CEMIP2: variants seen among roughly 807,000 people sequenced by gnomAD.
The protein encoded by CEMIP2 is cell migration inducing hyaluronidase 2.
In CEMIP2, 79 loss-of-function variants were observed where a neutral mutation model predicts 146.9. The observed-to-expected ratio is 0.54, with a 90% CI of 0.45 to 0.65. CEMIP2 has a LOEUF of 0.65. Among genes scored for constraint, CEMIP2 ranks in the 30% least tolerant of loss-of-function variants. The probability of loss-of-function intolerance (pLI) is 0.00; values close to 1 mark genes in which losing one functional copy is unlikely to be tolerated. For missense variants in CEMIP2, 1,596 were observed against 1,696.2 expected, an observed-to-expected ratio of 0.94 and a Z score of 1.04; for synonymous variants, 601 against 606.3, an observed-to-expected ratio of 0.99 and a Z score of 0.13.
At position 71,694,333 on chromosome 9, in the gene CEMIP2, A is replaced by G. The variant is rs575444996; in HGVS notation, c.3696+176T>C. Among the ~76,000 whole-genome samples the G allele has an allele frequency of 2.6e-5, 4 of 152,208 alleles. No individual in the cohort carries two copies. The East Asian group carries it at 7.7e-4, about 29-fold the overall frequency. On this transcript the variant is annotated intron_variant, in intron 21 of 23. Transcript: ENST00000377044. ...AGTAGAGACAGCGTTTCACCATGTT[A>G]GCCAGGATGGTCTCGATCTAACCTT...
Position 71,700,772 on chromosome 9 carries a change from C to T in CEMIP2, c.3247G>A (p.Val1083Ile), listed in dbSNP as rs1822536554. The T allele has an allele frequency of 1.2e-6, 2 of 1,613,792 alleles. No homozygotes were observed. The highest frequency in any genetic ancestry group is 2.2e-5 in the South Asian group (2 of 91,028). Residue 1083 changes from valine (V) to isoleucine (I), a missense_variant, in exon 19 of 24, where the codon GTT (valine) becomes ATT (isoleucine). Transcript: ENST00000377044. ...TGCCGCTGCAAATAGCCAAAGGTAA[C>T]TTGAAAACTTGTGTTTGATGGATAG... is the stretch of plus-strand genomic sequence containing the variant. The part of the protein sequence containing the change: ...LCYPSNTSFQ[V>I]TFGYLQRQNG...
chr9:71,721,031 C>CAT (rs1378580589), intron 12 of CEMIP2, among the ~76,000 whole-genome samples: 2 of 151,966 alleles, frequency 1.3e-5, no homozygotes, highest in South Asian at 2.1e-4. Context: ...TTACTCTATT[C>CAT]ATATATATAC....
chr9:71,752,136 A>G (rs1589165409), intron 1 of CEMIP2, among the ~76,000 whole-genome samples: 1 of 152,058 alleles, frequency 6.6e-6, no homozygotes, highest in Non-Finnish European at 1.5e-5. Context: ...AAGATCACAC[A>G]GTTAATATAG....
At position 71,700,692 on chromosome 9, in the gene CEMIP2, T is replaced by C. The variant is rs1448154777; in HGVS notation, c.3327A>G (p.Glu1109=). ...TCCTCTCGGATTGCTTTCTTTGCAG[T>C]TCTTCCAGTGAATGCACAGGCTCAT... ...EEYEPVHSLE[E]LQRKQSERKF... is the part of the protein sequence containing the mutation. Residue 1109 remains glutamate (E), a synonymous_variant, in exon 19 of 24, where the codon GAA becomes GAG. Coordinates refer to ENST00000377044, the MANE Select transcript of CEMIP2 (RefSeq NM_013390.3). The C allele has an allele frequency of 5.0e-6, 8 of 1,611,286 alleles. No individual in the cohort carries two copies.
At chr9:71,685,889 C>T (rs1185714105) in intron 22 of CEMIP2, 43 bp from the exon 23 acceptor site, 2 of 1,369,046 alleles carry the variant, frequency 1.5e-6, no homozygotes, top group East Asian at 4.6e-5. Flanking sequence ...TTCAATCCTT[C>T]AGCATGAGTA....
At chr9:71,740,894 A>G (rs1823894236) in intron 4 of CEMIP2, among the ~76,000 whole-genome samples, 1 of 152,220 alleles carries the variant, frequency 6.6e-6, no homozygotes, top group East Asian at 1.9e-4. Flanking sequence ...AAGGAAGGGC[A>G]TGCTGAATTA....
chr9:71,683,716 A>G lies in CEMIP2; in HGVS notation c.*1481T>C, dbSNP rs1224242061. On this transcript the variant is annotated 3_prime_UTR_variant, in exon 24 of 24. Coordinates refer to ENST00000377044, the MANE Select transcript of CEMIP2 (RefSeq NM_013390.3). ...ACAATTAGAAAGGTTTATCGGTAGC[A>G]CTTTGAGGTAGCATATTTTGTAAAG... 6.6e-6 allele frequency: 1 copy of G among 152,472 alleles called. No individual in the cohort carries two copies. The highest frequency in any genetic ancestry group is 2.4e-5 in the African/African-American group (1 of 41,368). The allele number at this position is 152,472 out of a possible 1,614,324, so 9.4% of individuals were successfully genotyped here.
At chr9:71,714,830 A>G in intron 15 of CEMIP2, 104 bp downstream of exon 15, 2 of 1,197,836 alleles carry the variant, frequency 1.7e-6, no homozygotes, top group South Asian at 1.8e-5. Context: ...AAAGAGTCTC[A>G]TGGTAGGAAC....
intron 1 of CEMIP2, among the ~76,000 whole-genome samples, chr9:71,754,423 A>G (rs1490737862): frequency 6.6e-6 from 1 of 152,182 alleles, no homozygotes; most frequent in African/African-American, 2.4e-5. Context: ...CTTAAGCACC[A>G]TTTTAATAAT....
Position 71,714,989 on chromosome 9 carries a change from T to C in CEMIP2, c.2536A>G (p.Lys846Glu). The change falls in exon 15 of 24, where the codon AAG becomes GAG. Residue 846 changes from lysine to glutamate, a missense_variant. By Grantham distance (56) the Lys-to-Glu change is moderately conservative (BLOSUM62 1). Transcript: ENST00000377044. ...RNYGFQGGQN[K>E]YVGTGGIDQK... ...TCTATTCCTCCAGTGCCTACATACT[T>C]GTTCTGACCACCCTGAAAGCCGTAA... 1 of 1,614,010 alleles carries C rather than the reference T, an allele frequency of 6.2e-7. No homozygotes were observed. The highest frequency in any genetic ancestry group is 8.5e-7 in the Non-Finnish European group (1 of 1,179,944).
chr9:71,758,736 CT>C (rs1028423199), intron 1 of CEMIP2, among the ~76,000 whole-genome samples: 83 of 152,302 alleles, frequency 5.4e-4, no homozygotes, highest in African/African-American at 1.9e-3. Context: ...CCATAAAAGA[CT>C]GCTTTGCAGG....
rs368846056 is a variant in CEMIP2, at chr9:71,723,678, C to G, written c.2179-1163G>C. 1.4e-4 allele frequency among the ~76,000 whole-genome samples: 22 copies of G among 152,236 alleles called. No individual in the cohort carries two copies. The South Asian group carries it at 4.2e-3, about 29-fold the overall frequency. ...GTTTTATTTATGTCCATAAGACATTCAAAGGGTACTCAGTAAGCAGTAGGA... is the reference window on the plus strand; with the variant it reads ...GTTTTATTTATGTCCATAAGACATTGAAAGGGTACTCAGTAAGCAGTAGGA... On this transcript the variant is annotated intron_variant, in intron 11 of 23. Transcript: ENST00000377044.
At chr9:71,689,533 C>G (rs1253203412) in intron 22 of CEMIP2, among the ~76,000 whole-genome samples, 1 of 152,244 alleles carries the variant, frequency 6.6e-6, no homozygotes, top group Non-Finnish European at 1.5e-5. Flanking sequence ...AGAGCGATTG[C>G]ACACTCAGCC....
chr9:71,742,343 A>G (rs1823947100), intron 4 of CEMIP2, among the ~76,000 whole-genome samples: 1 of 152,226 alleles, frequency 6.6e-6, no homozygotes, highest in South Asian at 2.1e-4. Flanking sequence ...GAATTATCAC[A>G]GGCTTCCTTT....
chr9:71,743,584 T>C (rs1463433813), intron 4 of CEMIP2, among the ~76,000 whole-genome samples: 2 of 152,184 alleles, frequency 1.3e-5, no homozygotes, highest in African/African-American at 2.4e-5. Flanking sequence ...ACTAGGCCAA[T>C]TGAGAGGCTC....
At chr9:71,739,144 A>G (rs1238231136) in intron 5 of CEMIP2, among the ~76,000 whole-genome samples, 1 of 152,038 alleles carries the variant, frequency 6.6e-6, no homozygotes, top group Admixed American at 6.5e-5. Context: ...AGAACATACC[A>G]TCTTTCAAAA....
Position 71,745,285 on chromosome 9 carries a change from G to T in CEMIP2, c.767C>A (p.Ser256Tyr). The T allele has an allele frequency of 6.2e-7, 1 of 1,614,014 alleles. No individual in the cohort carries two copies. The highest frequency in any genetic ancestry group is 8.5e-7 in the Non-Finnish European group (1 of 1,179,982). ...TLNSSGLPFG[S>Y]YTFEKDFSRG... is the part of the protein sequence containing the mutation. The stretch of plus-strand genomic sequence containing the variant: ...GGAAAAGTCCTTTTCAAAGGTATAG[G>T]ACCCAAAGGGCAAGCCTGAGGAATT... The change falls in exon 4 of 24, where the codon TCC (serine) becomes TAC (tyrosine). Residue 256 changes from serine to tyrosine, a missense_variant. Ser to Tyr is a moderately radical substitution (Grantham distance 144). Coordinates refer to ENST00000377044, the MANE Select transcript of CEMIP2 (RefSeq NM_013390.3).
intron 22 of CEMIP2, among the ~76,000 whole-genome samples, chr9:71,688,333 CTTAAGATTAAGTACCTTAAG>C (rs1822129420): frequency 6.6e-6 from 1 of 151,498 alleles, no homozygotes; most frequent in South Asian, 2.1e-4. Flanking sequence ...CTCGATGGTT[CTTAAGATTAAGTACCTTAAG>C]TTTCATGCTG....
At position 71,704,586 on chromosome 9, in the gene CEMIP2, G is replaced by A; in HGVS notation, c.3194+9C>T. 1 of 1,613,766 alleles carries A rather than the reference G, an allele frequency of 6.2e-7. No individual in the cohort carries two copies. Among genetic ancestry groups the A allele is most frequent in the Non-Finnish European group, 8.5e-7 (1 of 1,179,690 alleles). Reference sequence around the variant, plus strand: ...TCAACTATTTGAAATAACAGTAACAGAAACATACTTGTTGAAGTTGACGAG... The same window carrying A: ...TCAACTATTTGAAATAACAGTAACAAAAACATACTTGTTGAAGTTGACGAG... On this transcript the variant is annotated intron_variant, in intron 18 of 23. Coordinates refer to ENST00000377044, the MANE Select transcript of CEMIP2 (RefSeq NM_013390.3).
Sources: gnomAD v4.1 joint callset for allele counts (sites outside exome capture counted in the v4.1 genomes callset) on GRCh38, gnomAD v4.1.1 for gene constraint, MANE v1.5 for transcripts, NCBI Gene and HGNC (gene_info 2026-07-23, HGNC 2026-07-21) for gene names.